The following BMPER variants were observed in gnomAD, a reference collection of about 807,000 sequenced individuals.
BMPER encodes the protein BMP-binding endothelial regulator protein.
A neutral mutation model predicts 87.3 loss-of-function variants in BMPER; 45 were observed. That is an observed-to-expected ratio of 0.52 (90% CI 0.41 to 0.66). The LOEUF is 0.66. Ranked by LOEUF, BMPER falls within the 30% of genes least tolerant of loss-of-function variation. The probability of loss-of-function intolerance (pLI) is 0.00; values close to 1 mark genes in which losing one functional copy is unlikely to be tolerated. For missense variants in BMPER, 784 were observed against 867.5 expected, an observed-to-expected ratio of 0.90 and a Z score of 1.21; for synonymous variants, 326 against 316.2, an observed-to-expected ratio of 1.03 and a Z score of -0.33.
At chr7:34,142,896 G>T (rs1033836413) in intron 13 of BMPER, among the ~76,000 whole-genome samples, 1 of 152,176 alleles carries the variant, frequency 6.6e-6, no homozygotes, top group African/African-American at 2.4e-5. Flanking sequence ...TAGAAACTTG[G>T]TTCCTCCATT....
chr7:34,024,383 CAATA>C (rs1787291882), intron 6 of BMPER, among the ~76,000 whole-genome samples: 3 of 7,248 alleles, frequency 4.1e-4, no homozygotes, highest in African/African-American at 1.6e-3. Context: ...AAAAAAAAAA[CAATA>C]TATATATATA....
At chr7:34,061,937 C>A in intron 10 of BMPER, 65 bp from the exon 11 acceptor site, 1 of 1,317,696 alleles carries the variant, frequency 7.6e-7, no homozygotes, top group Non-Finnish European at 1.1e-6. Context: ...GATATTTGTC[C>A]TCAGGAGACC....
chr7:34,123,508 G>A (rs1287423864), intron 13 of BMPER, among the ~76,000 whole-genome samples: 1 of 152,196 alleles, frequency 6.6e-6, no homozygotes, highest in Non-Finnish European at 1.5e-5. Flanking sequence ...CTAAGCTGTG[G>A]CCTGGGCATC....
chr7:34,022,705 C>CA (rs74837974), intron 6 of BMPER, among the ~76,000 whole-genome samples: 6,904 of 58,798 alleles, frequency 0.12, 426 homozygotes, highest in African/African-American at 0.28. Context: ...TAAGGTTTGC[C>CA]AAAAAAAAAA....
At position 34,156,252 on chromosome 7, in the gene BMPER, A is replaced by G. The variant is rs1791298480; in HGVS notation, c.*2979A>G. On this transcript the variant is annotated 3_prime_UTR_variant, in exon 15 of 15. Transcript: ENST00000649409. ...ACTGAAACACGGATAAACCATTTCA[A>G]CTGGAAAACTCTTCCTTTTTATGAG... Among the ~76,000 whole-genome samples, 1 of 152,222 alleles carries G rather than the reference A, an allele frequency of 6.6e-6. No homozygotes were observed. The highest frequency in any genetic ancestry group is 2.1e-4 in the South Asian group (1 of 4,826).
chr7:33,931,163 G>C (rs1227143054), intron 2 of BMPER, among the ~76,000 whole-genome samples: 1 of 152,224 alleles, frequency 6.6e-6, no homozygotes, highest in African/African-American at 2.4e-5. Context: ...GTTTGGCCCA[G>C]GTGGCCTGTC....
intron 10 of BMPER, among the ~76,000 whole-genome samples, chr7:34,058,947 T>G (rs1788356913): frequency 6.6e-6 from 1 of 152,164 alleles, no homozygotes; most frequent in Non-Finnish European, 1.5e-5. Context: ...AAGTTGCTGT[T>G]TTTACTTGAC....
rs1051688971 is a variant in BMPER at position 33,982,148 on chromosome 7, G to A, written c.576+7364G>A. 2.6e-5 allele frequency among the ~76,000 whole-genome samples: 4 copies of A among 152,306 alleles called. No homozygotes were observed. The East Asian group carries it at 5.8e-4, about 22-fold the overall frequency. ...CTCATCATTTCTGTGGTCACGTGGT[G>A]CCCAACTGTGCTGTTTCTCCTTTGA... On this transcript the variant is annotated intron_variant, in intron 6 of 14. Coordinates refer to ENST00000649409, the MANE Select transcript of BMPER (RefSeq NM_001365308.1).
Position 33,955,898 on chromosome 7 carries a change from C to A in BMPER, c.320-10581C>A, listed in dbSNP as rs1161027781. Among the ~76,000 whole-genome samples the A allele has an allele frequency of 2.6e-5, 4 of 152,022 alleles. No individual in the cohort carries two copies. The East Asian group carries it at 7.7e-4, about 29-fold the overall frequency. On this transcript the variant is annotated intron_variant, in intron 3 of 14. Coordinates refer to ENST00000649409, the MANE Select transcript of BMPER (RefSeq NM_001365308.1). ...CAGATCGGCGGAATAGAATGGGGAA[C>A]CTGGACTAAGACAGAAATATATCCA...
chr7:33,970,475 A>G (rs1263857695), intron 5 of BMPER, 56 bp downstream of exon 5: 13 of 1,545,586 alleles, frequency 8.4e-6, no homozygotes, highest in Middle Eastern at 1.7e-4. Flanking sequence ...TCAGGAATGC[A>G]TGAATCTCCC....
At position 34,143,294 on chromosome 7, in the gene BMPER, G is replaced by T; in HGVS notation, c.1810G>T (p.Ala604Ser). The T allele has an allele frequency of 6.2e-7, 1 of 1,613,994 alleles. No homozygotes were observed. Among genetic ancestry groups the T allele is most frequent in the African/African-American group, 1.3e-5 (1 of 74,996 alleles). The change falls in exon 14 of 15, where the codon GCA becomes TCA. Residue 604 changes from alanine to serine, a missense_variant. Transcript: ENST00000649409. ...AAACTGTTATTGCGAGTCATTTTTG[G>T]CATATACCCGGGCCTGCCAGAGAGA... Reference protein sequence around the residue: ...HKNCYCESFLAYTRACQREGI... With the variant: ...HKNCYCESFLSYTRACQREGI...
intron 3 of BMPER, among the ~76,000 whole-genome samples, chr7:33,948,559 G>A (rs893792863): frequency 4.6e-5 from 7 of 152,152 alleles, no homozygotes; most frequent in African/African-American, 1.7e-4. Flanking sequence ...CCTGGTGGGA[G>A]GTGATTGGAT....
chr7:34,057,890 C>T (rs1368188618), intron 9 of BMPER, among the ~76,000 whole-genome samples, 169 bp from the exon 10 acceptor site: 1 of 151,944 alleles, frequency 6.6e-6, no homozygotes, highest in African/African-American at 2.4e-5. Context: ...CTTCACTAAT[C>T]TTTATCTTAA....
At chr7:33,992,586 G>T (rs1786256807) in intron 6 of BMPER, among the ~76,000 whole-genome samples, 1 of 149,054 alleles carries the variant, frequency 6.7e-6, no homozygotes, top group Non-Finnish European at 1.5e-5. Flanking sequence ...GCCAGTCTGT[G>T]TCTTTTAATT....
At chr7:34,135,269 C>T (rs181532330) in intron 13 of BMPER, among the ~76,000 whole-genome samples, 5 of 151,958 alleles carry the variant, frequency 3.3e-5, no homozygotes, top group African/African-American at 1.2e-4. Context: ...CTTGACAAGC[C>T]GGGAAGCAAG....
At chr7:33,967,332 TC>T (rs1440700522) in intron 4 of BMPER, among the ~76,000 whole-genome samples, 21 of 152,254 alleles carry the variant, frequency 1.4e-4, no homozygotes, top group African/African-American at 4.8e-4. Flanking sequence ...TATTTCGTTG[TC>T]CAAGGATATG....
chr7:34,115,821 C>A (rs1790104296), intron 13 of BMPER, among the ~76,000 whole-genome samples: 4 of 152,108 alleles, frequency 2.6e-5, no homozygotes, highest in Admixed American at 2.6e-4. Flanking sequence ...GTTTGAATAT[C>A]TGTTTTCAAT....
intron 13 of BMPER, among the ~76,000 whole-genome samples, chr7:34,102,819 CACAT>C (rs1200518445): frequency 1.3e-5 from 2 of 152,044 alleles, no homozygotes; most frequent in Non-Finnish European, 2.9e-5. Flanking sequence ...AATAAGCAGA[CACAT>C]ACATAATATA....
In BMPER at chr7:34,100,673, T is replaced by A. The variant is rs372768600; in HGVS notation, c.1745+14581T>A. ...TCTTGTGGAGTTTTAAAGTGGATTT[T>A]CTCTTTGCTCTCAAAGGGATTCCAT... On this transcript the variant is annotated intron_variant, in intron 13 of 14. Coordinates refer to ENST00000649409, the MANE Select transcript of BMPER (RefSeq NM_001365308.1). 6.6e-5 allele frequency among the ~76,000 whole-genome samples: 10 copies of A among 152,332 alleles called. No individual in the cohort carries two copies. The East Asian group carries it at 1.4e-3, about 21-fold the overall frequency.
Sources: allele counts gnomAD v4.1 joint callset (sites outside exome capture counted in the v4.1 genomes callset), GRCh38; gene constraint gnomAD v4.1.1; transcripts MANE v1.5; gene names NCBI Gene and HGNC (gene_info 2026-07-23, HGNC 2026-07-21).